AFG3L2: variants seen among roughly 807,000 people sequenced by gnomAD.
The protein encoded by AFG3L2 is mitochondrial inner membrane m-AAA protease component AFG3L2.
AFG3L2 carries 54 observed loss-of-function variants against 94.5 expected under a neutral mutation model. That is an observed-to-expected ratio of 0.57 (90% CI 0.46 to 0.72). The LOEUF (loss-of-function observed/expected upper bound fraction) is 0.72, where lower values mean the gene tolerates loss of function less well. Ranked by LOEUF, AFG3L2 falls within the 30% of genes least tolerant of loss-of-function variation. AFG3L2 has a pLI of 0.00. For synonymous variants in AFG3L2, 377 were observed against 365.5 expected (o/e 1.03, Z -0.36); for missense variants, 754 against 994.9 (o/e 0.76, Z 3.26).
At chr18:12,356,919 G>A in intron 8 of AFG3L2, 88 bp from the exon 9 acceptor site, 1 of 1,331,926 alleles carries the variant, frequency 7.5e-7, no homozygotes, top group Non-Finnish European at 1.0e-6. Flanking sequence ...ATATAACTCT[G>A]TCTCTAAATC....
At chr18:12,349,573 G>A (rs995636783) in intron 12 of AFG3L2, among the ~76,000 whole-genome samples, 1 of 152,178 alleles carries the variant, frequency 6.6e-6, no homozygotes, top group Non-Finnish European at 1.5e-5. Context: ...GCCACAAAAA[G>A]GAATGAAGTT....
At chr18:12,359,059 T>G in intron 7 of AFG3L2, 116 bp from the exon 8 acceptor site, 1 of 1,436,176 alleles carries the variant, frequency 7.0e-7, no homozygotes, top group Non-Finnish European at 9.5e-7. Flanking sequence ...CCTTCTGCAC[T>G]TAATACAAAG....
intron 2 of AFG3L2, among the ~76,000 whole-genome samples, chr18:12,371,337 A>G (rs991049195): frequency 6.6e-6 from 1 of 152,060 alleles, no homozygotes; most frequent in African/African-American, 2.4e-5. Flanking sequence ...AAAAAGCACA[A>G]GCTAAAAGCA....
At chr18:12,338,724 A>C (rs931331413) in intron 15 of AFG3L2, among the ~76,000 whole-genome samples, 2 of 152,212 alleles carry the variant, frequency 1.3e-5, no homozygotes, top group African/African-American at 2.4e-5. Flanking sequence ...AGAAAAAAAT[A>C]AGCTGAATAG....
chr18:12,349,900 G>T (rs1187043201), intron 12 of AFG3L2, among the ~76,000 whole-genome samples: 2 of 151,948 alleles, frequency 1.3e-5, no homozygotes, highest in African/African-American at 4.8e-5. Flanking sequence ...GACGTCAGGT[G>T]ATCCACCTGC....
At chr18:12,363,882 C>T (rs753293520) in intron 5 of AFG3L2, 26 bp from the exon 6 acceptor site, 13 of 1,515,574 alleles carry the variant, frequency 8.6e-6, no homozygotes, top group South Asian at 1.1e-5. Flanking sequence ...TAAATTCACA[C>T]ATAAATTCAC....
At chr18:12,354,280 C>T (rs1287423917) in intron 9 of AFG3L2, among the ~76,000 whole-genome samples, 3 of 152,158 alleles carry the variant, frequency 2.0e-5, no homozygotes, top group African/African-American at 7.2e-5. Flanking sequence ...CTGTGACCTA[C>T]AGACCCACAC....
chr18:12,330,313 G>A lies in AFG3L2; in HGVS notation c.2176-530C>T, dbSNP rs578074249. ...TGCACTCCAGCCTGGGCGACAGAGCGAGACTCCTTCTCAAAACAAACAAAC... is the reference window on the plus strand; with the variant it reads ...TGCACTCCAGCCTGGGCGACAGAGCAAGACTCCTTCTCAAAACAAACAAAC... On this transcript the variant is annotated intron_variant, in intron 16 of 16. Transcript: ENST00000269143. Among the ~76,000 whole-genome samples, 247 of 143,216 alleles carry A rather than the reference G, an allele frequency of 1.7e-3. 2 individuals are homozygous for A. Among genetic ancestry groups the A allele is most frequent in the South Asian group, 9.8e-3 (41 of 4,202 alleles). The allele number at this position is 143,216 out of a possible 152,430, so 94.0% of individuals were successfully genotyped here.
chr18:12,376,610 C>T (rs577624555), intron 1 of AFG3L2, among the ~76,000 whole-genome samples: 2 of 152,352 alleles, frequency 1.3e-5, no homozygotes, highest in East Asian at 3.9e-4. Context: ...ACATCGTGCT[C>T]GTGCTGCTGA....
chr18:12,356,683 A>T lies in AFG3L2; in HGVS notation c.1164+11T>A. ...AAGGAAGCTGTACCATCCGAACAGAATGAGACTCACTCTAGCAGGGCCCAC... is the reference window on the plus strand; with the variant it reads ...AAGGAAGCTGTACCATCCGAACAGATTGAGACTCACTCTAGCAGGGCCCAC... On this transcript the variant is annotated intron_variant, in intron 9 of 16. Transcript: ENST00000269143. 6.2e-7 allele frequency: 1 copy of T among 1,614,132 alleles called. No individual in the cohort carries two copies. Among genetic ancestry groups the T allele is most frequent in the Non-Finnish European group, 8.5e-7 (1 of 1,179,998 alleles).
At chr18:12,352,746 G>T (rs1908357273) in intron 10 of AFG3L2, among the ~76,000 whole-genome samples, 1 of 152,050 alleles carries the variant, frequency 6.6e-6, no homozygotes. Context: ...TAAAAGAGCT[G>T]TTTGTTTTAG....
chr18:12,374,306 T>C (rs1909076864), intron 1 of AFG3L2, among the ~76,000 whole-genome samples: 1 of 152,244 alleles, frequency 6.6e-6, no homozygotes, highest in Admixed American at 6.5e-5. Context: ...TTAGCCTTTA[T>C]GTTTGACAAC....
intron 16 of AFG3L2, among the ~76,000 whole-genome samples, chr18:12,336,403 G>A (rs558433132): frequency 6.6e-6 from 1 of 152,312 alleles, no homozygotes; most frequent in South Asian, 2.1e-4. Context: ...ACTCAGCACA[G>A]GAGGATAGCT....
intron 9 of AFG3L2, among the ~76,000 whole-genome samples, chr18:12,353,514 CAAAAAAA>C (rs71172076): frequency 1.2e-5 from 1 of 81,062 alleles, no homozygotes; most frequent in African/African-American, 4.8e-5. Flanking sequence ...AATTCTGTCT[CAAAAAAA>C]AAAAAAAAAA....
At chr18:12,339,599 T>C (rs887622220) in intron 15 of AFG3L2, among the ~76,000 whole-genome samples, 1 of 149,176 alleles carries the variant, frequency 6.7e-6, no homozygotes, top group Non-Finnish European at 1.5e-5. Flanking sequence ...CTCACGCCTG[T>C]AATCCCAGCA....
intron 1 of AFG3L2, among the ~76,000 whole-genome samples, chr18:12,372,841 G>A (rs1181891477): frequency 6.6e-6 from 1 of 152,166 alleles, no homozygotes; most frequent in Non-Finnish European, 1.5e-5. Context: ...AATCCATAGA[G>A]AGATAGACAC....
At chr18:12,360,320 C>T in intron 6 of AFG3L2, 1 of 412,552 alleles carries the variant, frequency 2.4e-6, no homozygotes, top group Admixed American at 4.2e-5. Context: ...GAATGAAAAA[C>T]CTATTTGAAA....
chr18:12,364,750 C>T (rs1397965940), intron 5 of AFG3L2, among the ~76,000 whole-genome samples: 1 of 152,138 alleles, frequency 6.6e-6, no homozygotes, highest in African/African-American at 2.4e-5. Context: ...ACTGCAGCCT[C>T]AACTTCTCTG....
At chr18:12,340,082 G>T in intron 15 of AFG3L2, 119 bp downstream of exon 15, 2 of 927,014 alleles carry the variant, frequency 2.2e-6, no homozygotes, top group Non-Finnish European at 3.5e-6. Context: ...GATAATCCTT[G>T]CCTAAAAAGC....
Sources: allele counts gnomAD v4.1 joint callset (sites outside exome capture counted in the v4.1 genomes callset), GRCh38; gene constraint gnomAD v4.1.1; transcripts MANE v1.5; gene names NCBI Gene and HGNC (gene_info 2026-07-23, HGNC 2026-07-21).